The following RANGAP1 variants were observed in gnomAD, a reference collection of about 807,000 sequenced individuals.
RANGAP1 encodes ran GTPase-activating protein 1.
Under a neutral mutation model 63.5 loss-of-function variants are expected in RANGAP1, and 38 were observed. The observed-to-expected ratio is 0.60, with a 90% CI of 0.46 to 0.78. The LOEUF is 0.78. Among genes scored for constraint, RANGAP1 ranks in the 30% least tolerant of loss-of-function variants. RANGAP1 has a pLI of 0.00. For missense variants in RANGAP1, 630 were observed against 740.3 expected, an observed-to-expected ratio of 0.85 and a Z score of 1.73; for synonymous variants, 329 against 310.5, an observed-to-expected ratio of 1.06 and a Z score of -0.63.
the RANGAP1 span, among the ~76,000 whole-genome samples, chr22:41,298,047 A>G: frequency 6.6e-6 from 1 of 151,980 alleles, no homozygotes; most frequent in South Asian, 2.1e-4. Flanking sequence ...TAGTAGAGAC[A>G]AGGTTTCCCC....
upstream of RANGAP1, among the ~76,000 whole-genome samples, chr22:41,288,003 T>A (rs2413640): frequency 0.019 from 2,878 of 151,908 alleles, 73 homozygotes; most frequent in African/African-American, 0.054. Context: ...ATAAATAAAT[T>A]AATTAATTAA....
chr22:41,277,222 C>T (rs1446725597), intron 2 of RANGAP1, among the ~76,000 whole-genome samples: 1 of 150,434 alleles, frequency 6.6e-6, no homozygotes, highest in African/African-American at 2.4e-5. Context: ...GGACTACAGG[C>T]GCCCGCCACT....
the RANGAP1 span, among the ~76,000 whole-genome samples, chr22:41,292,365 A>G: frequency 6.6e-6 from 1 of 150,812 alleles, no homozygotes; most frequent in Non-Finnish European, 1.5e-5. Flanking sequence ...GGCCAGGCTG[A>G]TCTCAAACTC....
the RANGAP1 span, among the ~76,000 whole-genome samples, chr22:41,297,092 C>T: frequency 2.0e-5 from 3 of 152,108 alleles, no homozygotes; most frequent in African/African-American, 7.2e-5. Context: ...TATCTGTAGC[C>T]CCAGCTACTT....
rs994815723 is a variant in RANGAP1, at chr22:41,274,229, T to C, written c.240+371A>G. ...ATTCCTTTAAATGGGCAATCTTTGC[T>C]CTGAAACTCCCAGAGGGTGGGTCTG... On this transcript the variant is annotated intron_variant, in intron 3 of 15. Transcript: ENST00000356244. Among the ~76,000 whole-genome samples the C allele has an allele frequency of 3.9e-5, 6 of 152,364 alleles. No homozygotes were observed. The East Asian group carries it at 1.2e-3, about 29-fold the overall frequency.
the RANGAP1 span, among the ~76,000 whole-genome samples, chr22:41,294,204 G>C: frequency 1.3e-5 from 2 of 152,212 alleles, no homozygotes; most frequent in African/African-American, 4.8e-5. Flanking sequence ...GGCGTGCGCC[G>C]CCACGCCTGA....
At chr22:41,262,525 C>T (rs549370941) in intron 5 of RANGAP1, among the ~76,000 whole-genome samples, 9 of 152,314 alleles carry the variant, frequency 5.9e-5, no homozygotes, top group East Asian at 1.9e-4. Flanking sequence ...CAAGGTCACC[C>T]GGTAAGTATT....
intron 15 of RANGAP1, 150 bp downstream of exon 15, chr22:41,249,180 G>A (rs2033258253): frequency 2.6e-6 from 3 of 1,140,600 alleles, no homozygotes; most frequent in Non-Finnish European, 1.2e-6. Context: ...GATGCTGAGA[G>A]CCCAGGAGGC....
intron 12 of RANGAP1, 64 bp from the exon 13 acceptor site, chr22:41,251,173 G>A (rs1237421028): frequency 2.0e-5 from 27 of 1,348,160 alleles, no homozygotes; most frequent in South Asian, 1.6e-4. Context: ...GGGCTCTGAC[G>A]CTAGCTAGGA....
At chr22:41,266,070 C>T (rs1038012106) in intron 4 of RANGAP1, among the ~76,000 whole-genome samples, 6 of 152,086 alleles carry the variant, frequency 3.9e-5, no homozygotes, top group African/African-American at 4.8e-5. Context: ...GGCATGGTGG[C>T]GGGCGCCTGT....
rs2229752 is a variant in RANGAP1, at chr22:41,264,747, C to G, written c.397G>C (p.Glu133Gln). ...AFGPDGVQGFEALLKSSACFT... is the reference protein window; with the variant it reads ...AFGPDGVQGFQALLKSSACFT... ...CAGGCTGAGCTCTTGAGCAGGGCCTCGAAGCCTTGCACACCGTCGGGCCCG... is the reference window on the plus strand; with the variant it reads ...CAGGCTGAGCTCTTGAGCAGGGCCTGGAAGCCTTGCACACCGTCGGGCCCG... Residue 133 changes from glutamate (E) to glutamine (Q), a missense_variant, in exon 5 of 16, where the codon GAG (glutamate) becomes CAG (glutamine). Around this residue, in one of 3 missense-constraint regions of RANGAP1, gnomAD observed 137 missense variants for 214.3 expected, o/e 0.64. Transcript: ENST00000356244. The G allele has an allele frequency of 4.8e-4, 769 of 1,614,078 alleles. 4 individuals carry two copies. In the African/African-American group the frequency reaches 8.8e-3, roughly 18 times the overall value.
At chr22:41,267,862 C>T (rs2034573163) in intron 4 of RANGAP1, among the ~76,000 whole-genome samples, 1 of 152,098 alleles carries the variant, frequency 6.6e-6, no homozygotes, top group South Asian at 2.1e-4. Context: ...CTCAGCTCTC[C>T]CACCTCCCTG....
chr22:41,278,715 C>T (rs1184793742), intron 2 of RANGAP1, among the ~76,000 whole-genome samples: 2 of 152,194 alleles, frequency 1.3e-5, no homozygotes, highest in Non-Finnish European at 2.9e-5. Context: ...AGCAACATTC[C>T]AATCTATCTC....
intron 3 of RANGAP1, among the ~76,000 whole-genome samples, chr22:41,270,519 C>T (rs1448026875): frequency 6.6e-6 from 1 of 152,194 alleles, no homozygotes; most frequent in Non-Finnish European, 1.5e-5. Context: ...GCAAACACGG[C>T]TCACTGCAGC....
rs1157922701 is a variant in RANGAP1, at chr22:41,254,368, C to A, written c.1200G>T (p.Gln400His). The A allele has an allele frequency of 3.7e-6, 6 of 1,613,980 alleles. No individual in the cohort carries two copies. The Admixed American group carries it at 6.7e-5, about 18-fold the overall frequency. ...TGGCTGACTTCTCTCCCTGCCCTCG[C>A]TGCTGAGGCTCTTCTTCCTCCTCCT... Reference protein sequence around the residue: ...EEEEEEEEPQQRGQGEKSATP... With the variant: ...EEEEEEEEPQHRGQGEKSATP... The change falls in exon 11 of 16, where the codon CAG (glutamine) becomes CAT (histidine). Residue 400 changes from glutamine (Q) to histidine (H), a missense_variant. Physicochemically the swap from Gln to His is conservative, Grantham distance 24. Transcript: ENST00000356244.
chr22:41,274,732 C>T lies in RANGAP1; in HGVS notation c.113-5G>A. ...TCTCTTTAATCACATCTTTAGCTGC[C>T]AGGGACCAAAGAGCAGAACCTTAGG... On this transcript the variant is annotated splice_region_variant and splice_polypyrimidine_tract_variant and intron_variant, in intron 2 of 15. Coordinates refer to ENST00000356244, the MANE Select transcript of RANGAP1 (RefSeq NM_002883.4). The T allele has an allele frequency of 6.2e-7, 1 of 1,613,900 alleles. No homozygotes were observed. The highest frequency in any genetic ancestry group is 2.2e-5 in the East Asian group (1 of 44,862).
chr22:41,255,688 C>A (rs994048878), intron 10 of RANGAP1, among the ~76,000 whole-genome samples: 1 of 152,038 alleles, frequency 6.6e-6, no homozygotes, highest in Non-Finnish European at 1.5e-5. Context: ...GTCTCCACCC[C>A]ACGAGACAGA....
chr22:41,259,131 C>T (rs768758955), intron 6 of RANGAP1, among the ~76,000 whole-genome samples: 9 of 152,126 alleles, frequency 5.9e-5, no homozygotes, highest in Non-Finnish European at 7.4e-5. Flanking sequence ...TGCCTACATT[C>T]AAAGCCTATA....
intron 12 of RANGAP1, among the ~76,000 whole-genome samples, chr22:41,252,479 G>A (rs1453428944): frequency 6.6e-6 from 1 of 152,126 alleles, no homozygotes; most frequent in African/African-American, 2.4e-5. Context: ...AGGCTGGAGT[G>A]AGGGCACCCA....
Sources: allele counts gnomAD v4.1 joint callset (sites outside exome capture counted in the v4.1 genomes callset), GRCh38; gene constraint gnomAD v4.1.1; regional missense constraint gnomAD v4.1.1; transcripts MANE v1.5; gene names NCBI Gene and HGNC (gene_info 2026-07-23, HGNC 2026-07-21).